Variants in FRMD4A observed in about 807,000 individuals in gnomAD.
FRMD4A encodes the protein FERM domain-containing protein 4A.
Under a neutral mutation model 129.1 loss-of-function variants are expected in FRMD4A, and 29 were observed. That is an observed-to-expected ratio of 0.22 (90% CI 0.17 to 0.31). The LOEUF (loss-of-function observed/expected upper bound fraction) is 0.31, where lower values mean the gene tolerates loss of function less well. FRMD4A is among the 10% of genes least tolerant of loss of function. FRMD4A has a pLI of 1.00. For missense variants in FRMD4A, 1,272 were observed against 1,375.8 expected, an observed-to-expected ratio of 0.92 and a Z score of 1.19; for synonymous variants, 634 against 571.6, an observed-to-expected ratio of 1.11 and a Z score of -1.56.
At chr10:13,869,057 G>A (rs2094409114) in intron 2 of FRMD4A, among the ~76,000 whole-genome samples, 1 of 152,154 alleles carries the variant, frequency 6.6e-6, no homozygotes, top group African/African-American at 2.4e-5. Flanking sequence ...TCCTAGGGAC[G>A]CTGCTGCTGC....
intron 2 of FRMD4A, among the ~76,000 whole-genome samples, chr10:14,033,558 G>A (rs1295167919): frequency 9.9e-5 from 15 of 152,176 alleles, no homozygotes; most frequent in Non-Finnish European, 5.9e-5. Context: ...GCTGAGGCGA[G>A]TGGATCACTT....
chr10:14,110,309 T>C (rs1431738984), intron 2 of FRMD4A, among the ~76,000 whole-genome samples: 4 of 151,278 alleles, frequency 2.6e-5, no homozygotes, highest in Non-Finnish European at 5.9e-5. Flanking sequence ...GAAGATCAAA[T>C]AAGGAGAAAC....
rs182153124 is a variant in FRMD4A, at chr10:13,887,451, T to G, written c.46-28539A>C. Among the ~76,000 whole-genome samples the G allele has an allele frequency of 5.5e-3, 837 of 152,078 alleles. 7 individuals are homozygous for G. The highest frequency in any genetic ancestry group is 0.019 in the African/African-American group (795 of 41,498). ...ATCCCAGCACTTTGGGAGGCTGAGG[T>G]GGGCGGATCACATGGTGAGGAGATC... On this transcript the variant is annotated intron_variant, in intron 2 of 24. Coordinates refer to ENST00000357447, the MANE Select transcript of FRMD4A (RefSeq NM_018027.5).
chr10:14,205,457 A>G (rs1276014811), intron 2 of FRMD4A, among the ~76,000 whole-genome samples: 2 of 152,046 alleles, frequency 1.3e-5, no homozygotes, highest in Non-Finnish European at 2.9e-5. Context: ...TGATCTTCTG[A>G]TATTACTGTG....
At chr10:13,977,787 T>A (rs2095547146) in intron 2 of FRMD4A, among the ~76,000 whole-genome samples, 1 of 152,248 alleles carries the variant, frequency 6.6e-6, no homozygotes, top group Non-Finnish European at 1.5e-5. Context: ...CTTAGCGTAA[T>A]GTTTTCAAGA....
At chr10:14,179,799 C>T (rs187354554) in intron 2 of FRMD4A, among the ~76,000 whole-genome samples, 53 of 152,226 alleles carry the variant, frequency 3.5e-4, no homozygotes, top group Non-Finnish European at 4.7e-4. Context: ...TTTGGGAGGC[C>T]GAGGCAGGCA....
intron 2 of FRMD4A, among the ~76,000 whole-genome samples, chr10:14,122,850 G>C (rs1186090584): frequency 1.3e-5 from 2 of 152,134 alleles, no homozygotes; most frequent in African/African-American, 4.8e-5. Context: ...ACTGTATAGT[G>C]ATGAGATGGG....
At chr10:13,657,702 C>T (rs552239723) in intron 21 of FRMD4A, among the ~76,000 whole-genome samples, 180 bp from the exon 22 acceptor site, 3 of 151,616 alleles carry the variant, frequency 2.0e-5, no homozygotes, top group South Asian at 4.2e-4. Context: ...CTGCCCATTG[C>T]GGGAGGTGAA....
At chr10:14,290,964 G>C (rs1297125705) in intron 2 of FRMD4A, among the ~76,000 whole-genome samples, 1 of 152,014 alleles carries the variant, frequency 6.6e-6, no homozygotes, top group Admixed American at 6.6e-5. Context: ...GTAATTACTG[G>C]ACATTTCAGG....
At chr10:13,959,471 TAAAAAAAAAAAAA>T (rs56192445) in intron 2 of FRMD4A, among the ~76,000 whole-genome samples, 1 of 53,110 alleles carries the variant, frequency 1.9e-5, no homozygotes, top group Non-Finnish European at 3.2e-5. Context: ...GACTGTTTCA[TAAAAAAAAAAAAA>T]AAAAAAAAAA....
intron 2 of FRMD4A, among the ~76,000 whole-genome samples, chr10:14,281,795 A>T (rs1240730821): frequency 9.9e-5 from 15 of 152,172 alleles, no homozygotes; most frequent in Admixed American, 9.8e-4. Flanking sequence ...AGCCAAAACC[A>T]CCTTTTCCCA....
At chr10:14,125,952 C>T (rs966254737) in intron 2 of FRMD4A, among the ~76,000 whole-genome samples, 1 of 151,852 alleles carries the variant, frequency 6.6e-6, no homozygotes, top group South Asian at 2.1e-4. Flanking sequence ...CTGAGATGAG[C>T]TCTAACTCCA....
chr10:13,902,485 G>GAGAGAA (rs1235431834), intron 2 of FRMD4A, among the ~76,000 whole-genome samples: 5 of 151,614 alleles, frequency 3.3e-5, no homozygotes, highest in Admixed American at 2.6e-4. Flanking sequence ...GAGAGAGAGA[G>GAGAGAA]AGAGAGTGAC....
intron 2 of FRMD4A, among the ~76,000 whole-genome samples, chr10:14,123,775 C>G (rs1438683942): frequency 3.3e-5 from 5 of 152,212 alleles, no homozygotes. Context: ...AAATATCCAT[C>G]ACTGTTACTA....
At chr10:14,061,575 T>C (rs1834816053) in intron 2 of FRMD4A, among the ~76,000 whole-genome samples, 1 of 152,198 alleles carries the variant, frequency 6.6e-6, no homozygotes, top group Non-Finnish European at 1.5e-5. Context: ...GACTAGTTTG[T>C]CAATTTCCTC....
chr10:14,209,232 G>A (rs147146330), intron 2 of FRMD4A, among the ~76,000 whole-genome samples: 6 of 152,206 alleles, frequency 3.9e-5, no homozygotes, highest in African/African-American at 7.2e-5. Context: ...ATTTTGTCAA[G>A]TTATTTGACA....
chr10:13,815,574 TA>T (rs1224169448), intron 3 of FRMD4A, among the ~76,000 whole-genome samples: 6 of 150,718 alleles, frequency 4.0e-5, no homozygotes, highest in South Asian at 4.2e-4. Context: ...TTGACACAAT[TA>T]AAAAAAAAGG....
chr10:14,197,125 G>C (rs936170942), intron 2 of FRMD4A, among the ~76,000 whole-genome samples: 1 of 152,146 alleles, frequency 6.6e-6, no homozygotes, highest in African/African-American at 2.4e-5. Flanking sequence ...ATAAGGCTGG[G>C]ACAAGCAGCT....
intron 2 of FRMD4A, among the ~76,000 whole-genome samples, chr10:13,978,322 G>GC (rs1163458888): frequency 2.6e-5 from 4 of 152,174 alleles, no homozygotes; most frequent in African/African-American, 9.7e-5. Flanking sequence ...GCAGGCTGCA[G>GC]CAGATGGAAT....
Sources: gnomAD v4.1 joint callset for allele counts (sites outside exome capture counted in the v4.1 genomes callset) on GRCh38, gnomAD v4.1.1 for gene constraint, MANE v1.5 for transcripts, NCBI Gene and HGNC (gene_info 2026-07-23, HGNC 2026-07-21) for gene names.